Variants in UCK2 observed in about 807,000 individuals in gnomAD.
UCK2 encodes the protein uridine-cytidine kinase 2.
In UCK2, 6 loss-of-function variants were observed where a neutral mutation model predicts 30.8. The observed-to-expected ratio is 0.19, with a 90% CI of 0.11 to 0.38. The LOEUF (loss-of-function observed/expected upper bound fraction) is 0.38, where lower values mean the gene tolerates loss of function less well. Among genes scored for constraint, UCK2 ranks in the 10% least tolerant of loss-of-function variants. The pLI is 1.00. For synonymous variants in UCK2, 125 were observed against 133.6 expected (o/e 0.94, Z 0.45); for missense variants, 210 against 339.8 (o/e 0.62, Z 3.00).
At chr1:165,869,358 AC>A (rs148814115) in intron 1 of UCK2, among the ~76,000 whole-genome samples, 5,018 of 152,222 alleles carry the variant, frequency 0.033, 274 homozygotes, top group African/African-American at 0.11. Context: ...TGTAAAAAAA[AC>A]GTAGTATCTG....
chr1:165,896,536 G>C (rs528514112), intron 4 of UCK2, among the ~76,000 whole-genome samples: 1 of 152,340 alleles, frequency 6.6e-6, no homozygotes, highest in East Asian at 1.9e-4. Flanking sequence ...TTTGAGAAGG[G>C]ATTAGTCACT....
intron 1 of UCK2, among the ~76,000 whole-genome samples, chr1:165,834,370 G>A (rs893604144): frequency 2.0e-5 from 3 of 152,120 alleles, no homozygotes; most frequent in Middle Eastern, 3.2e-3. Context: ...AGACTCAAGT[G>A]GGAGGATTGC....
chr1:165,827,684 G>A lies in UCK2; in HGVS notation c.-150G>A, dbSNP rs1257451342. On this transcript the variant is annotated 5_prime_UTR_variant, in exon 1 of 7. Transcript: ENST00000367879. ...TTCGGGAAACCCAGCCCCGTCACCG[G>A]GCTCCGAGCGGCTCGCAGGCGAGCG... The A allele has an allele frequency of 3.4e-6, 2 of 594,722 alleles. No homozygotes were observed. The highest frequency in any genetic ancestry group is 2.5e-6 in the Non-Finnish European group (1 of 402,272). 36.8% of individuals were successfully genotyped at this position (594,722 alleles called of 1,614,324 possible). A position where few individuals can be genotyped will look rare whatever the true frequency, so the allele number is the denominator to read the frequency against.
At chr1:165,831,975 G>C (rs1654059752) in intron 1 of UCK2, among the ~76,000 whole-genome samples, 1 of 151,996 alleles carries the variant, frequency 6.6e-6, no homozygotes, top group Non-Finnish European at 1.5e-5. Context: ...CACCATGTTG[G>C]CCGGGCTGGT....
intron 1 of UCK2, among the ~76,000 whole-genome samples, chr1:165,876,925 T>C (rs2101873906): frequency 6.6e-6 from 1 of 152,370 alleles, no homozygotes; most frequent in Admixed American, 6.5e-5. Flanking sequence ...GAAGGACACA[T>C]GTCATGGGGT....
intron 1 of UCK2, among the ~76,000 whole-genome samples, chr1:165,844,264 C>A (rs867037454): frequency 5.3e-5 from 8 of 152,196 alleles, no homozygotes; most frequent in Middle Eastern, 3.2e-3. Context: ...AGAACGGCTC[C>A]CTCCTCGTAG....
At chr1:165,879,153 A>G (rs1158451009) in intron 1 of UCK2, among the ~76,000 whole-genome samples, 1 of 151,850 alleles carries the variant, frequency 6.6e-6, no homozygotes, top group Non-Finnish European at 1.5e-5. Flanking sequence ...ATTTTTTGTT[A>G]GGTTTGTTTC....
At chr1:165,833,071 T>C (rs1450958412) in intron 1 of UCK2, among the ~76,000 whole-genome samples, 1 of 152,142 alleles carries the variant, frequency 6.6e-6, no homozygotes, top group Admixed American at 6.5e-5. Context: ...GCATCTGCTT[T>C]TGGAATGCTT....
chr1:165,843,234 A>T (rs1557833447), intron 1 of UCK2, among the ~76,000 whole-genome samples: 3 of 151,100 alleles, frequency 2.0e-5, no homozygotes, highest in African/African-American at 2.4e-5. Context: ...TTTTTTTTTT[A>T]AACCATGATT....
intron 1 of UCK2, among the ~76,000 whole-genome samples, chr1:165,843,060 A>T (rs920567736): frequency 6.6e-6 from 1 of 151,172 alleles, no homozygotes; most frequent in Non-Finnish European, 1.5e-5. Flanking sequence ...AGTTGACTGC[A>T]ATCTGAATTG....
At chr1:165,871,632 A>T (rs1486716738) in intron 1 of UCK2, among the ~76,000 whole-genome samples, 1 of 151,904 alleles carries the variant, frequency 6.6e-6, no homozygotes, top group Non-Finnish European at 1.5e-5. Flanking sequence ...TCTGCCTTTG[A>T]TGTGGTTGGG....
At chr1:165,835,322 T>A (rs1458868798) in intron 1 of UCK2, among the ~76,000 whole-genome samples, 1 of 151,522 alleles carries the variant, frequency 6.6e-6, no homozygotes, top group African/African-American at 2.4e-5. Context: ...AATATATATA[T>A]TTTTATATGT....
Position 165,909,570 on chromosome 1 carries a change from C to T in UCK2, c.*1747C>T, listed in dbSNP as rs1424058166. On this transcript the variant is annotated 3_prime_UTR_variant, in exon 7 of 7. Transcript: ENST00000367879. Reference sequence around the variant, plus strand: ...TTAAAAAGTCAAACCTGGTCCCCAGCAGAGCTTGCCACCCGGAGACTTTCA... The same window carrying T: ...TTAAAAAGTCAAACCTGGTCCCCAGTAGAGCTTGCCACCCGGAGACTTTCA... 1 of 152,234 alleles carries T rather than the reference C, an allele frequency of 6.6e-6. No homozygotes were observed. The highest frequency in any genetic ancestry group is 1.9e-4 in the East Asian group (1 of 5,192). 9.4% of individuals were successfully genotyped at this position (152,234 alleles called of 1,614,324 possible).
At chr1:165,885,904 A>C (rs2101879001) in intron 1 of UCK2, among the ~76,000 whole-genome samples, 1 of 152,356 alleles carries the variant, frequency 6.6e-6, no homozygotes, top group East Asian at 1.9e-4. Flanking sequence ...TAATTGTGGT[A>C]AAATACACAT....
At chr1:165,882,927 C>T (rs553018941) in intron 1 of UCK2, among the ~76,000 whole-genome samples, 12 of 152,210 alleles carry the variant, frequency 7.9e-5, no homozygotes, top group Admixed American at 2.0e-4. Context: ...CGGGTTCAAG[C>T]GATCCTCCTG....
intron 5 of UCK2, chr1:165,904,146 CT>C (rs1447513231): frequency 1.3e-5 from 2 of 152,180 alleles, no homozygotes; most frequent in African/African-American, 4.8e-5. Context: ...GCTGGAATCT[CT>C]GAAGACATTG....
Position 165,908,100 on chromosome 1 carries a change from TAA to T in UCK2, c.*282_*283del. The T allele has an allele frequency of 7.4e-6, 2 of 271,856 alleles. No homozygotes were observed. Among genetic ancestry groups the T allele is most frequent in the Non-Finnish European group, 1.4e-5 (2 of 144,794 alleles). The allele number at this position is 271,856 out of a possible 1,614,324, so 16.8% of individuals were successfully genotyped here. Reference sequence around the variant, plus strand: ...AACCAGTTATAAATACATATATATATAAAAAAGGATCTATTTTTGTGTAAATG... The same window carrying T: ...AACCAGTTATAAATACATATATATATAAAAGGATCTATTTTTGTGTAAATG... On this transcript the variant is annotated 3_prime_UTR_variant, in exon 7 of 7. Coordinates refer to ENST00000367879, the MANE Select transcript of UCK2 (RefSeq NM_012474.5).
intron 1 of UCK2, among the ~76,000 whole-genome samples, chr1:165,873,285 ACCCCT>A (rs1655249127): frequency 6.6e-6 from 1 of 152,230 alleles, no homozygotes; most frequent in African/African-American, 2.4e-5. Flanking sequence ...AATAGACTTC[ACCCCT>A]CACTGGAGGA....
intron 1 of UCK2, among the ~76,000 whole-genome samples, chr1:165,877,514 A>G (rs930703005): frequency 3.9e-5 from 6 of 152,218 alleles, no homozygotes; most frequent in African/African-American, 9.6e-5. Context: ...AAATATAACC[A>G]TACTGTATGT....
Sources: allele counts gnomAD v4.1 joint callset (sites outside exome capture counted in the v4.1 genomes callset), GRCh38; gene constraint gnomAD v4.1.1; transcripts MANE v1.5; gene names NCBI Gene and HGNC (gene_info 2026-07-23, HGNC 2026-07-21).